GRID1: variants seen among roughly 807,000 people sequenced by gnomAD.
The protein encoded by GRID1 is glutamate ionotropic receptor delta type subunit 1.
In GRID1, 28 loss-of-function variants were observed where a neutral mutation model predicts 98.0. The ratio of observed to expected loss-of-function variants is 0.29; its 90% CI spans 0.21 to 0.39. The LOEUF is 0.39. Ranked by LOEUF, GRID1 falls within the 10% of genes least tolerant of loss-of-function variation. The probability of loss-of-function intolerance (pLI) is 1.00; values close to 1 mark genes in which losing one functional copy is unlikely to be tolerated. For missense variants in GRID1, 1,111 were observed against 1,340.5 expected (o/e 0.83, Z 2.67); for synonymous variants, 553 against 538.5 (o/e 1.03, Z -0.37).
chr10:86,349,068 G>A (rs1331349701), intron 2 of GRID1, among the ~76,000 whole-genome samples: 2 of 152,216 alleles, frequency 1.3e-5, no homozygotes, highest in Non-Finnish European at 2.9e-5. Flanking sequence ...CCTGGAGTGC[G>A]GAGGGAGGCA....
Position 86,103,407 on chromosome 10 carries a change from C to T in GRID1, c.726+35412G>A, listed in dbSNP as rs543204651. Among the ~76,000 whole-genome samples the T allele has an allele frequency of 1.1e-4, 16 of 152,294 alleles. No individual in the cohort carries two copies. In the South Asian group the frequency reaches 2.3e-3, roughly 22 times the overall value. On this transcript the variant is annotated intron_variant, in intron 4 of 15. Transcript: ENST00000327946. ...TTCCCTGTGAGCCTGTGATGAGGCC[C>T]GCAGTTCCCTGCCACCCTCTCAGCC...
intron 4 of GRID1, among the ~76,000 whole-genome samples, chr10:86,076,717 A>T (rs1843886821): frequency 6.6e-6 from 1 of 152,126 alleles, no homozygotes; most frequent in African/African-American, 2.4e-5. Flanking sequence ...GGTGAGGCCC[A>T]CCCACATCAT....
intron 2 of GRID1, among the ~76,000 whole-genome samples, chr10:86,345,228 A>T (rs891825081): frequency 6.6e-6 from 1 of 152,250 alleles, no homozygotes; most frequent in African/African-American, 2.4e-5. Context: ...TATGAAATGC[A>T]GGTACCCTTG....
chr10:86,001,973 A>C (rs977913958), intron 4 of GRID1, among the ~76,000 whole-genome samples: 3 of 152,058 alleles, frequency 2.0e-5, no homozygotes, highest in African/African-American at 7.2e-5. Context: ...GTATAACTCC[A>C]ATCTCTGCCT....
intron 2 of GRID1, among the ~76,000 whole-genome samples, chr10:86,234,076 C>T (rs1846498576): frequency 6.6e-6 from 1 of 152,152 alleles, no homozygotes; most frequent in Admixed American, 6.5e-5. Flanking sequence ...ACAGGAACAC[C>T]TCCTGAGGCC....
chr10:86,235,895 T>C (rs542783513), intron 2 of GRID1, among the ~76,000 whole-genome samples: 130 of 152,374 alleles, frequency 8.5e-4, no homozygotes, highest in African/African-American at 2.9e-3. Context: ...TCCTTTTCTC[T>C]TTCGCAAATT....
chr10:85,896,747 A>G (rs988590870), intron 5 of GRID1, among the ~76,000 whole-genome samples: 1 of 152,202 alleles, frequency 6.6e-6, no homozygotes, highest in Non-Finnish European at 1.5e-5. Context: ...ATGTCACAAG[A>G]TGCAAGAGTA....
chr10:86,282,780 C>G (rs988917536), intron 2 of GRID1, among the ~76,000 whole-genome samples: 1 of 152,040 alleles, frequency 6.6e-6, no homozygotes, highest in African/African-American at 2.4e-5. Context: ...CCAAGGTCAG[C>G]CATTATCTCC....
intron 5 of GRID1, among the ~76,000 whole-genome samples, chr10:85,915,536 CAT>C (rs1256184237): frequency 6.6e-6 from 1 of 151,280 alleles, no homozygotes; most frequent in Non-Finnish European, 1.5e-5. Flanking sequence ...TATACACACA[CAT>C]ACACTTGCAC....
chr10:85,616,528 T>A (rs1273431638), intron 14 of GRID1, among the ~76,000 whole-genome samples: 1 of 152,236 alleles, frequency 6.6e-6, no homozygotes, highest in Non-Finnish European at 1.5e-5. Context: ...TTAATTTTGC[T>A]GACCTTCTCT....
chr10:85,713,062 A>T (rs1322981643), intron 12 of GRID1, among the ~76,000 whole-genome samples: 1 of 151,726 alleles, frequency 6.6e-6, no homozygotes, highest in Non-Finnish European at 1.5e-5. Context: ...AATAATAAAG[A>T]TCGGGGCAGA....
intron 3 of GRID1, among the ~76,000 whole-genome samples, chr10:86,154,500 C>T (rs1338736542): frequency 6.6e-6 from 1 of 152,064 alleles, no homozygotes; most frequent in Non-Finnish European, 1.5e-5. Context: ...TCCAGAAGGG[C>T]CCCCGGCTTC....
intron 4 of GRID1, among the ~76,000 whole-genome samples, chr10:85,935,118 C>T (rs1476900392): frequency 6.6e-6 from 1 of 152,188 alleles, no homozygotes; most frequent in African/African-American, 2.4e-5. Flanking sequence ...TTCCCTGAAT[C>T]CTTACAGTAG....
At chr10:86,211,909 C>T (rs916837313) in intron 2 of GRID1, among the ~76,000 whole-genome samples, 1 of 152,202 alleles carries the variant, frequency 6.6e-6, no homozygotes, top group African/African-American at 2.4e-5. Context: ...CCCAGGGCAC[C>T]TCCCGGCTCA....
chr10:85,908,783 G>A (rs528985066), intron 5 of GRID1, among the ~76,000 whole-genome samples: 2 of 152,186 alleles, frequency 1.3e-5, no homozygotes, highest in African/African-American at 4.8e-5. Flanking sequence ...ATTTCAAATC[G>A]TATCGTAAAG....
intron 13 of GRID1, among the ~76,000 whole-genome samples, chr10:85,624,516 G>A (rs919904350): frequency 2.0e-5 from 3 of 152,190 alleles, no homozygotes; most frequent in Admixed American, 6.5e-5. Context: ...GACTAGATAC[G>A]GAGTCCTGGG....
chr10:85,990,745 G>A (rs1415040401), intron 4 of GRID1, among the ~76,000 whole-genome samples: 1 of 152,158 alleles, frequency 6.6e-6, no homozygotes. Context: ...AGGAGCTTGG[G>A]TTTTATTTTA....
intron 3 of GRID1, among the ~76,000 whole-genome samples, chr10:86,184,300 C>G (rs74756143): frequency 0.016 from 2,404 of 152,094 alleles, 75 homozygotes; most frequent in African/African-American, 0.056. Context: ...TGTGCTTTTA[C>G]TGTTACATCT....
At chr10:86,075,507 A>G (rs1280628908) in intron 4 of GRID1, among the ~76,000 whole-genome samples, 1 of 152,152 alleles carries the variant, frequency 6.6e-6, no homozygotes, top group Non-Finnish European at 1.5e-5. Flanking sequence ...CAACACCTTG[A>G]TCTTGAACTT....
Sources: gnomAD v4.1 joint callset for allele counts (sites outside exome capture counted in the v4.1 genomes callset) on GRCh38, gnomAD v4.1.1 for gene constraint, MANE v1.5 for transcripts, NCBI Gene and HGNC (gene_info 2026-07-23, HGNC 2026-07-21) for gene names.